TMPRSS11F: variants seen among roughly 807,000 people sequenced by gnomAD.
TMPRSS11F encodes transmembrane serine protease 11F, also known as transmembrane protease serine 11F.
Under a neutral mutation model 60.2 loss-of-function variants are expected in TMPRSS11F, and 47 were observed. The observed-to-expected ratio is 0.78, with a 90% confidence interval of 0.62 to 1.00. The LOEUF is 1.00. Ranked by LOEUF, TMPRSS11F falls within the 50% of genes least tolerant of loss-of-function variation. TMPRSS11F has a pLI of 0.00. For synonymous variants in TMPRSS11F, 166 were observed against 167.3 expected (o/e 0.99, Z 0.06); for missense variants, 519 against 522.9 (o/e 0.99, Z 0.07).
In TMPRSS11F at chr4:68,098,998, A is replaced by G. The variant is rs750705628; in HGVS notation, c.52T>C (p.Tyr18His). The G allele has an allele frequency of 4.8e-5, 78 of 1,612,744 alleles. No homozygotes were observed. The highest frequency in any genetic ancestry group is 6.4e-5 in the Non-Finnish European group (76 of 1,179,588). The change falls in exon 2 of 10, where the codon TAT becomes CAT. Residue 18 changes from tyrosine (Y) to histidine (H), a missense_variant. Physicochemically the swap from Tyr to His is moderately conservative, Grantham distance 83. Transcript: ENST00000356291. ...FSEAEFSRAEYQRKQQFWDSV... is the reference protein window; with the variant it reads ...FSEAEFSRAEHQRKQQFWDSV... ...TCCCAAAATTGCTGCTTTCTTTGAT[A>G]TTCAGCTCGTGAGAATTCAGCTTCT...
chr4:68,087,717 A>G (rs1392257041), intron 3 of TMPRSS11F, among the ~76,000 whole-genome samples: 2 of 151,290 alleles, frequency 1.3e-5, no homozygotes, highest in Non-Finnish European at 2.9e-5. Flanking sequence ...TTATTTATTT[A>G]TTTATTTATT....
intron 8 of TMPRSS11F, chr4:68,062,123 C>G (rs1343436192): frequency 2.2e-6 from 1 of 447,458 alleles, no homozygotes; most frequent in African/African-American, 2.0e-5. Flanking sequence ...ATTACAAACA[C>G]CAGGGACTGG....
At chr4:68,093,225 C>A (rs1262401036) in intron 2 of TMPRSS11F, among the ~76,000 whole-genome samples, 1 of 152,112 alleles carries the variant, frequency 6.6e-6, no homozygotes, top group Non-Finnish European at 1.5e-5. Flanking sequence ...ATAATCACAA[C>A]AATTTTCTGA....
At chr4:68,075,320 C>T (rs1723561215) in intron 3 of TMPRSS11F, among the ~76,000 whole-genome samples, 1 of 152,194 alleles carries the variant, frequency 6.6e-6, no homozygotes, top group African/African-American at 2.4e-5. Flanking sequence ...TGGTTCTACC[C>T]TATCTTCTGT....
chr4:68,065,832 C>T (rs1723314598), intron 7 of TMPRSS11F, among the ~76,000 whole-genome samples: 2 of 151,428 alleles, frequency 1.3e-5, no homozygotes, highest in South Asian at 4.2e-4. Context: ...AATGAGCAGG[C>T]AGAGGCCAGG....
At chr4:68,071,031 A>G (rs76826723) in intron 5 of TMPRSS11F, among the ~76,000 whole-genome samples, 5,938 of 152,268 alleles carry the variant, frequency 0.039, 335 homozygotes, top group African/African-American at 0.12. Context: ...TTAATAAATT[A>G]TACAATAAGA....
At chr4:68,086,449 C>T (rs1276170376) in intron 3 of TMPRSS11F, among the ~76,000 whole-genome samples, 1 of 152,038 alleles carries the variant, frequency 6.6e-6, no homozygotes, top group Admixed American at 6.6e-5. Context: ...AGCAATCTAA[C>T]AATGCACATA....
chr4:68,114,363 A>G (rs1201401142), intron 1 of TMPRSS11F, among the ~76,000 whole-genome samples: 2 of 152,024 alleles, frequency 1.3e-5, no homozygotes, highest in Non-Finnish European at 2.9e-5. Flanking sequence ...AATTTGCAAC[A>G]CTAGGAATGA....
chr4:68,069,815 A>T (rs532707303), intron 6 of TMPRSS11F, among the ~76,000 whole-genome samples, 154 bp downstream of exon 6: 15 of 152,262 alleles, frequency 9.9e-5, no homozygotes, highest in Admixed American at 9.2e-4. Context: ...AAATACTTAA[A>T]TGCTAAAAAT....
At chr4:68,127,182 T>C (rs1405291399) in intron 1 of TMPRSS11F, among the ~76,000 whole-genome samples, 1 of 152,166 alleles carries the variant, frequency 6.6e-6, no homozygotes. Flanking sequence ...TTTGTGAGTG[T>C]ATCTCAAGTC....
intron 3 of TMPRSS11F, among the ~76,000 whole-genome samples, chr4:68,087,988 C>T (rs983894425): frequency 1.0e-4 from 15 of 150,142 alleles, no homozygotes; most frequent in Admixed American, 6.0e-4. Context: ...TTTGTTCTTG[C>T]GATAGTTTAC....
At chr4:68,091,158 G>A (rs1300137062) in intron 2 of TMPRSS11F, among the ~76,000 whole-genome samples, 2 of 152,056 alleles carry the variant, frequency 1.3e-5, no homozygotes, top group South Asian at 4.2e-4. Context: ...CACCACTAAA[G>A]CTGTCTTTTT....
At chr4:68,125,506 G>A (rs533185002) in intron 1 of TMPRSS11F, among the ~76,000 whole-genome samples, 2 of 152,148 alleles carry the variant, frequency 1.3e-5, no homozygotes, top group Non-Finnish European at 2.9e-5. Flanking sequence ...TCTCTGATAT[G>A]AGTTTGAATT....
chr4:68,058,440 C>T (rs1350608599), intron 9 of TMPRSS11F, among the ~76,000 whole-genome samples: 1 of 152,040 alleles, frequency 6.6e-6, no homozygotes, highest in African/African-American at 2.4e-5. Context: ...TGTGAGAAAA[C>T]AGAGGAATCA....
chr4:68,075,259 T>A (rs929717407), intron 3 of TMPRSS11F, among the ~76,000 whole-genome samples: 2 of 152,184 alleles, frequency 1.3e-5, no homozygotes, highest in African/African-American at 4.8e-5. Flanking sequence ...ATCAGCTCCT[T>A]AGAAACTTGT....
At chr4:68,111,033 C>G (rs1724401288) in intron 1 of TMPRSS11F, among the ~76,000 whole-genome samples, 1 of 152,066 alleles carries the variant, frequency 6.6e-6, no homozygotes, top group Admixed American at 6.5e-5. Context: ...TTCTTTTATG[C>G]CTTATTTAGG....
chr4:68,080,215 A>G (rs903357855), intron 3 of TMPRSS11F: 1 of 152,244 alleles, frequency 6.6e-6, no homozygotes, highest in Non-Finnish European at 1.5e-5. Flanking sequence ...AAGGAAACAA[A>G]GCAAAGCCAG....
chr4:68,104,660 T>C (rs1427783733), intron 1 of TMPRSS11F, among the ~76,000 whole-genome samples: 1 of 152,164 alleles, frequency 6.6e-6, no homozygotes, highest in Non-Finnish European at 1.5e-5. Flanking sequence ...TATTTCTTCA[T>C]AGCAGTGTGA....
intron 1 of TMPRSS11F, among the ~76,000 whole-genome samples, chr4:68,128,981 A>G (rs909332863): frequency 9.2e-5 from 14 of 152,154 alleles, no homozygotes; most frequent in Non-Finnish European, 1.6e-4. Flanking sequence ...AAATGACTGA[A>G]CAATTAAAAT....
Sources: gnomAD v4.1 joint callset for allele counts (sites outside exome capture counted in the v4.1 genomes callset) on GRCh38, gnomAD v4.1.1 for gene constraint, MANE v1.5 for transcripts, NCBI Gene and HGNC (gene_info 2026-07-23, HGNC 2026-07-21) for gene names.